NEK2: variants seen among roughly 807,000 people sequenced by gnomAD.
NEK2 encodes serine/threonine-protein kinase Nek2.
In NEK2, 28 loss-of-function variants were observed where a neutral mutation model predicts 54.1. The ratio of observed to expected loss-of-function variants is 0.52; its 90% confidence interval spans 0.38 to 0.71. The LOEUF (loss-of-function observed/expected upper bound fraction) is 0.71, where lower values mean the gene tolerates loss of function less well. Ranked by LOEUF, NEK2 falls within the 30% of genes least tolerant of loss-of-function variation. NEK2 has a pLI of 0.00. For missense variants in NEK2, 407 were observed against 531.5 expected, an observed-to-expected ratio of 0.77 and a Z score of 2.30; for synonymous variants, 176 against 193.1, an observed-to-expected ratio of 0.91 and a Z score of 0.73.
At chr1:211,669,047 T>C in intron 6 of NEK2, 66 bp downstream of exon 6, 1 of 1,358,302 alleles carries the variant, frequency 7.4e-7, no homozygotes, top group African/African-American at 1.4e-5. Flanking sequence ...CTCAAAGAGA[T>C]ATTCAGACAC....
In NEK2 at chr1:211,667,125, C is replaced by G; in HGVS notation, c.1092G>C (p.Leu364=). ...TCATACCTGGATTACTTGCCAGAGA[C>G]AGGAACTTCCGTTCCTTTAGCAAGC... is the stretch of plus-strand genomic sequence containing the variant. ...NYSLLKERKF[L]SLASNPELLN... Residue 364 remains leucine, a synonymous_variant, in exon 7 of 8, where the codon CTG becomes CTC. Coordinates refer to ENST00000366999, the MANE Select transcript of NEK2 (RefSeq NM_002497.4). 6.2e-7 allele frequency: 1 copy of G among 1,613,724 alleles called. No individual in the cohort carries two copies. Among genetic ancestry groups the G allele is most frequent in the East Asian group, 2.2e-5 (1 of 44,838 alleles).
intron 2 of NEK2, 81 bp from the exon 3 acceptor site, chr1:211,673,804 C>A: frequency 7.7e-7 from 1 of 1,305,184 alleles, no homozygotes; most frequent in South Asian, 1.4e-5. Context: ...ATCCAGTGTA[C>A]AAATAGGGAA....
chr1:211,673,766 T>G (rs756955470), intron 2 of NEK2, 43 bp from the exon 3 acceptor site: 1 of 1,590,756 alleles, frequency 6.3e-7, no homozygotes, highest in East Asian at 2.2e-5. Flanking sequence ...TCTAAAAAAA[T>G]CATTGCCAAG....
Position 211,673,400 on chromosome 1 carries a change from C to T in NEK2, c.555+83G>A, listed in dbSNP as rs145824824. ...CTGCACTCCAGCCTGGGCAACAGAG[C>T]GAGACTCTGTCTCAAAAACAAACAA... On this transcript the variant is annotated intron_variant, in intron 3 of 7. Coordinates refer to ENST00000366999, the MANE Select transcript of NEK2 (RefSeq NM_002497.4). The T allele has an allele frequency of 2.8e-5, 43 of 1,525,884 alleles. 1 individual carries two copies. The highest frequency in any genetic ancestry group is 2.2e-4 in the South Asian group (18 of 83,158). 94.5% of individuals were successfully genotyped at this position (1,525,884 alleles called of 1,614,324 possible).
At chr1:211,658,879 G>A (rs973775844), downstream of NEK2, among the ~76,000 whole-genome samples, 9 of 151,938 alleles carry the variant, frequency 5.9e-5, no homozygotes, top group Non-Finnish European at 8.8e-5. Flanking sequence ...TTCTTTTGAT[G>A]AGATCTATCA....
At position 211,673,590 on chromosome 1, in the gene NEK2, C is replaced by G. The variant is rs1655473009; in HGVS notation, c.448G>C (p.Asp150His). Reference protein sequence around the residue: ...RDLKPANVFLDGKQNVKLGDF... With the variant: ...RDLKPANVFLHGKQNVKLGDF... ...CCAAGCTTGACGTTTTGCTTGCCAT[C>G]CAGGAAAACATTGGCTGGTTTCAGA... Residue 150 changes from aspartate to histidine, a missense_variant, in exon 3 of 8, where the codon GAT becomes CAT. Coordinates refer to ENST00000366999, the MANE Select transcript of NEK2 (RefSeq NM_002497.4). 6.2e-7 allele frequency: 1 copy of G among 1,614,028 alleles called. No individual in the cohort carries two copies. Among genetic ancestry groups the G allele is most frequent in the African/African-American group, 1.3e-5 (1 of 74,918 alleles).
chr1:211,671,411 T>C (rs1233564940), intron 3 of NEK2, 127 bp from the exon 4 acceptor site: 1 of 629,390 alleles, frequency 1.6e-6, no homozygotes, highest in Non-Finnish European at 2.8e-6. Context: ...TTATACTTTA[T>C]CTTGAAATTT....
At chr1:211,666,726 G>A (rs1045926661) in intron 7 of NEK2, 2 of 313,710 alleles carry the variant, frequency 6.4e-6, no homozygotes, top group African/African-American at 4.5e-5. Context: ...GTGAACCCGG[G>A]AGGCAGAGCT....
intron 1 of NEK2, among the ~76,000 whole-genome samples, chr1:211,675,018 C>T (rs1379204972): frequency 6.6e-6 from 1 of 152,152 alleles, no homozygotes; most frequent in Non-Finnish European, 1.5e-5. Context: ...ACTGCAGATA[C>T]AAAGCTTCGG....
Position 211,662,877 on chromosome 1 carries a change from A to G in NEK2, c.*549T>C, listed in dbSNP as rs542757287. 2.5e-4 allele frequency: 245 copies of G among 985,770 alleles called. No homozygotes were observed. The African/African-American group carries it at 4.0e-3, about 16-fold the overall frequency. The allele number at this position is 985,770 out of a possible 1,614,324, so 61.1% of individuals were successfully genotyped here. ...AAAAAAAAAAGAATACAAACATCAC[A>G]GTGATGAATTTTCACAAAGCTAACA... On this transcript the variant is annotated 3_prime_UTR_variant, in exon 8 of 8. Transcript: ENST00000366999. This position sits in a 1 kb window ranked among gnomAD's most constrained non-coding sequence, Gnocchi z 4.2.
At chr1:211,660,508 C>A, downstream of NEK2, 1 of 653,032 alleles carries the variant, frequency 1.5e-6, no homozygotes, top group Non-Finnish European at 2.9e-6. Context: ...AGTGGAGTCC[C>A]CAAAGAGGTC....
intron 2 of NEK2, 90 bp from the exon 3 acceptor site, chr1:211,673,813 A>G (rs1655484311): frequency 3.2e-6 from 4 of 1,250,696 alleles, no homozygotes; most frequent in Non-Finnish European, 3.3e-6. Flanking sequence ...ACAAATAGGG[A>G]ATTTATTTAT....
chr1:211,666,555 C>T (rs1384310027), intron 7 of NEK2: 1 of 809,708 alleles, frequency 1.2e-6, no homozygotes, highest in Non-Finnish European at 1.5e-6. Flanking sequence ...AATCCCAGCA[C>T]ATTGGGAGGC....
chr1:211,670,414 T>A lies in NEK2; in HGVS notation c.639-7A>T. 1 of 1,596,728 alleles carries A rather than the reference T, an allele frequency of 6.3e-7. No individual in the cohort carries two copies. Among genetic ancestry groups the A allele is most frequent in the Non-Finnish European group, 8.5e-7 (1 of 1,175,030 alleles). On this transcript the variant is annotated splice_polypyrimidine_tract_variant and splice_region_variant and intron_variant, in intron 4 of 7. Transcript: ENST00000366999. Reference sequence around the variant, plus strand: ...AAAAGCTGTAAATGGAGGCCTAGGGTTAAAAAAGAAGAAGAAGACGACGAA... The same window carrying A: ...AAAAGCTGTAAATGGAGGCCTAGGGATAAAAAAGAAGAAGAAGACGACGAA...
chr1:211,663,195 A>C lies in NEK2; in HGVS notation c.*231T>G. 2.3e-6 allele frequency: 3 copies of C among 1,301,382 alleles called. No homozygotes were observed. The highest frequency in any genetic ancestry group is 2.9e-6 in the Non-Finnish European group (3 of 1,025,294). 80.6% of individuals were successfully genotyped at this position (1,301,382 alleles called of 1,614,324 possible). Reference sequence around the variant, plus strand: ...ACACACAGGATTAAAAGCCCAACCAAGAAAGTATTCTTTTTATAATATGTT... The same window carrying C: ...ACACACAGGATTAAAAGCCCAACCACGAAAGTATTCTTTTTATAATATGTT... On this transcript the variant is annotated 3_prime_UTR_variant, in exon 8 of 8. Coordinates refer to ENST00000366999, the MANE Select transcript of NEK2 (RefSeq NM_002497.4).
Position 211,674,460 on chromosome 1 carries a change from C to G in NEK2, c.150G>C (p.Gln50His). 1 of 1,614,050 alleles carries G rather than the reference C, an allele frequency of 6.2e-7. No homozygotes were observed. Among genetic ancestry groups the G allele is most frequent in the East Asian group, 2.2e-5 (1 of 44,876 alleles). ...GCAAATTCACTTCAGAAACAAGCAT[C>G]TGTTTCTCAGCTTCTGTCATGGAGC... Reference protein sequence around the residue: ...DYGSMTEAEKQMLVSEVNLLR... With the variant: ...DYGSMTEAEKHMLVSEVNLLR... The change falls in exon 2 of 8, where the codon CAG (glutamine) becomes CAC (histidine). Residue 50 changes from glutamine (Q) to histidine (H), a missense_variant. Transcript: ENST00000366999.
At position 211,663,051 on chromosome 1, in the gene NEK2, C is replaced by A; in HGVS notation, c.*375G>T. The A allele has an allele frequency of 9.9e-7, 1 of 1,005,994 alleles. No homozygotes were observed. The highest frequency in any genetic ancestry group is 1.2e-6 in the Non-Finnish European group (1 of 841,848). The allele number at this position is 1,005,994 out of a possible 1,614,324, so 62.3% of individuals were successfully genotyped here. On this transcript the variant is annotated 3_prime_UTR_variant, in exon 8 of 8. Transcript: ENST00000366999. ...CTAGACATGACAATTGTAAGCATAC[C>A]ACTCAGTCATTTAAAACTATTCAGT... is the stretch of plus-strand genomic sequence containing the variant.
At chr1:211,673,419 C>G (rs554599258) in intron 3 of NEK2, 64 bp downstream of exon 3, 1 of 1,592,390 alleles carries the variant, frequency 6.3e-7, no homozygotes, top group East Asian at 2.3e-5. Flanking sequence ...GTCTCAAAAA[C>G]AAACAAACAA....
chr1:211,662,070 G>T (rs578101559), downstream of NEK2, among the ~76,000 whole-genome samples: 1 of 152,228 alleles, frequency 6.6e-6, no homozygotes, highest in Admixed American at 6.5e-5. The surrounding 1 kb of genome is among the most constrained non-coding windows in gnomAD (Gnocchi z 4.2). Context: ...GATTTCTAGG[G>T]ATTCCTTAAT....
Sources: allele counts gnomAD v4.1 joint callset (sites outside exome capture counted in the v4.1 genomes callset), GRCh38; gene constraint gnomAD v4.1.1; non-coding constraint Gnocchi (gnomAD v3.1); transcripts MANE v1.5; gene names NCBI Gene and HGNC (gene_info 2026-07-23, HGNC 2026-07-21).